Variants in PGR observed in about 807,000 individuals in gnomAD.
PGR encodes nuclear receptor subfamily 3 group C member 3.
In PGR, 25 loss-of-function variants were observed where a neutral mutation model predicts 76.1. The ratio of observed to expected loss-of-function variants is 0.33; its 90% CI spans 0.24 to 0.46. The LOEUF (loss-of-function observed/expected upper bound fraction) is 0.46, where lower values mean the gene tolerates loss of function less well. Ranked by LOEUF, PGR falls within the 20% of genes least tolerant of loss-of-function variation. The probability of loss-of-function intolerance (pLI) is 1.00; values close to 1 mark genes in which losing one functional copy is unlikely to be tolerated. For synonymous variants in PGR, 579 were observed against 535.0 expected (o/e 1.08, Z -1.14); for missense variants, 1,172 against 1,225.3 (o/e 0.96, Z 0.65).
chr11:101,126,012 A>G lies in PGR; in HGVS notation c.1784T>C (p.Met595Thr). 1.2e-6 allele frequency: 2 copies of G among 1,613,950 alleles called. No homozygotes were observed. The highest frequency in any genetic ancestry group is 1.7e-6 in the Non-Finnish European group (2 of 1,179,824). The change falls in exon 2 of 8, where the codon ATG (methionine) becomes ACG (threonine). Residue 595 changes from methionine (M) to threonine (T), a missense_variant. By Grantham distance (81) the Met-to-Thr change is moderately conservative. This residue lies in a region of PGR where 40 missense variants were observed against 82.7 expected (regional missense o/e 0.48). Transcript: ENST00000325455. ...ATCAGGGGAAAGGAGCCTACCTTCC[A>G]TTGCCCTCTTAAAGAAGACCTTACA... The part of the protein sequence containing the change: ...GSCKVFFKRA[M>T]EGQHNYLCAG...
intron 3 of PGR, among the ~76,000 whole-genome samples, chr11:101,076,546 AAAGAT>A (rs540701265): frequency 3.3e-5 from 5 of 152,224 alleles, no homozygotes; most frequent in African/African-American, 9.6e-5. Context: ...CATGCATTGA[AAAGAT>A]AAGATGAAGA....
intron 3 of PGR, among the ~76,000 whole-genome samples, chr11:101,087,245 T>C (rs1318136116): frequency 1.3e-5 from 2 of 152,014 alleles, no homozygotes; most frequent in Non-Finnish European, 2.9e-5. Flanking sequence ...CATAGACCAA[T>C]GGAACAGAAT....
rs59106149 is a variant in PGR at position 101,076,919 on chromosome 11, A to ATTTT, written c.1907-14171_1907-14168dup. Among the ~76,000 whole-genome samples, 108 of 65,148 alleles carry ATTTT rather than the reference A, an allele frequency of 1.7e-3. 3 individuals are homozygous for ATTTT. Among genetic ancestry groups the ATTTT allele is most frequent in the Middle Eastern group, 0.013 (1 of 80 alleles). The allele number at this position is 65,148 out of a possible 152,430, so 42.7% of individuals were successfully genotyped here. A position where few individuals can be genotyped will look rare whatever the true frequency, so the allele number is the denominator to read the frequency against. ...CTATTTTTTTAAAACTACAAATGGA[A>ATTTT]TTTTTTTTTTTTTTTTTTTTTTTTT... On this transcript the variant is annotated intron_variant, in intron 3 of 7. Transcript: ENST00000325455.
intron 2 of PGR, among the ~76,000 whole-genome samples, chr11:101,108,671 A>C (rs1862252542): frequency 6.6e-6 from 1 of 152,164 alleles, no homozygotes; most frequent in Non-Finnish European, 1.5e-5. Context: ...CAGCTCCATT[A>C]CTAACTGGCT....
At chr11:101,064,820 C>T (rs182016572) in intron 3 of PGR, among the ~76,000 whole-genome samples, 1 of 152,292 alleles carries the variant, frequency 6.6e-6, no homozygotes, top group African/African-American at 2.4e-5. Context: ...TGACAGACCA[C>T]ATATACAACA....
chr11:101,127,922 G>A lies in PGR; in HGVS notation c.1149C>T (p.Pro383=), dbSNP rs760317015. The stretch of plus-strand genomic sequence containing the variant: ...CCTCCTCCTCCTTTATCTTTAGAGC[G>A]GGCGGCTGGAAGTCGCTATAGAGAG... ...AYPLYSDFQP[P]ALKIKEEEEG... The change falls in exon 1 of 8, where the codon CCC becomes CCT. Residue 383 remains proline (P), a synonymous_variant. Transcript: ENST00000325455. 2.9e-5 allele frequency: 47 copies of A among 1,611,080 alleles called. 1 individual carries two copies. In the South Asian group the frequency reaches 4.9e-4, roughly 17 times the overall value.
intron 2 of PGR, among the ~76,000 whole-genome samples, chr11:101,100,659 TAA>T (rs1565358669): frequency 1.3e-5 from 2 of 151,042 alleles, no homozygotes; most frequent in African/African-American, 4.9e-5. Flanking sequence ...AAACAACTAG[TAA>T]TTATTTTGAT....
At position 101,105,503 on chromosome 11, in the gene PGR, T is replaced by G. The variant is rs565890435; in HGVS notation, c.1790-13627A>C. ...TATTTGGTAGCATATTCCTTTTTTT[T>G]TTTTTTTTTTAGAAATGAAGTTTTA... On this transcript the variant is annotated intron_variant, in intron 2 of 7. Coordinates refer to ENST00000325455, the MANE Select transcript of PGR (RefSeq NM_000926.4). 3.3e-5 allele frequency among the ~76,000 whole-genome samples: 5 copies of G among 151,614 alleles called. No homozygotes were observed. The East Asian group carries it at 9.7e-4, about 29-fold the overall frequency.
At chr11:101,067,761 A>G (rs1401246150) in intron 3 of PGR, among the ~76,000 whole-genome samples, 2 of 152,212 alleles carry the variant, frequency 1.3e-5, no homozygotes, top group Admixed American at 6.5e-5. Flanking sequence ...ATGAAATCAT[A>G]CAGTGTAGGA....
In PGR at chr11:101,035,406, G is replaced by C. The variant is rs1859476255; in HGVS notation, c.*3710C>G. 4.3e-6 allele frequency: 1 copy of C among 231,102 alleles called. No homozygotes were observed. The highest frequency in any genetic ancestry group is 1.8e-4 in the South Asian group (1 of 5,504). 14.3% of individuals were successfully genotyped at this position (231,102 alleles called of 1,614,324 possible). ...CACAGCAAAAACTAAAAATGTAATAGCCATCCTTCCAAAGCAATAAAAGAC... is the reference window on the plus strand; with the variant it reads ...CACAGCAAAAACTAAAAATGTAATACCCATCCTTCCAAAGCAATAAAAGAC... On this transcript the variant is annotated 3_prime_UTR_variant, in exon 8 of 8. Coordinates refer to ENST00000325455, the MANE Select transcript of PGR (RefSeq NM_000926.4).
At position 101,063,077 on chromosome 11, in the gene PGR, C is replaced by CA. The variant is rs1316397598; in HGVS notation, c.1907-326dup. 4 of 247,762 alleles carry CA rather than the reference C, an allele frequency of 1.6e-5. No homozygotes were observed. The East Asian group carries it at 4.2e-4, about 26-fold the overall frequency. 15.3% of individuals were successfully genotyped at this position (247,762 alleles called of 1,614,324 possible). A position where few individuals can be genotyped will look rare whatever the true frequency, so the allele number is the denominator to read the frequency against. On this transcript the variant is annotated intron_variant, in intron 3 of 7. Coordinates refer to ENST00000325455, the MANE Select transcript of PGR (RefSeq NM_000926.4). ...TTAGGAGAAGATATGAATAAAAAGACAAAGAGTTTTAGTAGCGACTACGCT... is the reference window on the plus strand; with the variant it reads ...TTAGGAGAAGATATGAATAAAAAGACAAAAGAGTTTTAGTAGCGACTACGCT...
Position 101,127,422 on chromosome 11 carries a change from C to G in PGR, c.1637+12G>C, listed in dbSNP as rs1862880238. Reference sequence around the variant, plus strand: ...CCGGACGCGCTGGGCGTGCCCCGTCCCGGGCCCTCACCTCAGGTAGTTGAG... The same window carrying G: ...CCGGACGCGCTGGGCGTGCCCCGTCGCGGGCCCTCACCTCAGGTAGTTGAG... On this transcript the variant is annotated intron_variant, in intron 1 of 7. Transcript: ENST00000325455. 6.5e-7 allele frequency: 1 copy of G among 1,532,552 alleles called. No individual in the cohort carries two copies. Among genetic ancestry groups the G allele is most frequent in the South Asian group, 1.2e-5 (1 of 82,906 alleles). 94.9% of individuals were successfully genotyped at this position (1,532,552 alleles called of 1,614,324 possible). A position where few individuals can be genotyped will look rare whatever the true frequency, so the allele number is the denominator to read the frequency against.
chr11:101,098,367 AAAG>A (rs1861900291), intron 2 of PGR, among the ~76,000 whole-genome samples: 1 of 152,150 alleles, frequency 6.6e-6, no homozygotes, highest in Non-Finnish European at 1.5e-5. Context: ...GCATTTTTGA[AAAG>A]AAGGGGAAAA....
At chr11:101,108,357 G>A (rs1373340996) in intron 2 of PGR, among the ~76,000 whole-genome samples, 1 of 151,698 alleles carries the variant, frequency 6.6e-6, no homozygotes, top group Non-Finnish European at 1.5e-5. Context: ...CTGCAACAAA[G>A]CAAAGCCTTG....
At chr11:101,063,843 T>C (rs913720094) in intron 3 of PGR, 3 of 152,166 alleles carry the variant, frequency 2.0e-5, no homozygotes, top group African/African-American at 7.2e-5. Flanking sequence ...GTTGCAATGG[T>C]TGCTTTTGGA....
chr11:101,118,363 G>A (rs764165881), intron 2 of PGR, among the ~76,000 whole-genome samples: 12 of 152,018 alleles, frequency 7.9e-5, no homozygotes, highest in Admixed American at 5.2e-4. Context: ...TTTATATTTC[G>A]TACAAATGCT....
At position 101,037,387 on chromosome 11, in the gene PGR, T is replaced by C. The variant is rs1859546803; in HGVS notation, c.*1729A>G. 1 of 217,602 alleles carries C rather than the reference T, an allele frequency of 4.6e-6. No homozygotes were observed. Among genetic ancestry groups the C allele is most frequent in the South Asian group, 1.8e-4 (1 of 5,408 alleles). The allele number at this position is 217,602 out of a possible 1,614,324, so 13.5% of individuals were successfully genotyped here. On this transcript the variant is annotated 3_prime_UTR_variant, in exon 8 of 8. Coordinates refer to ENST00000325455, the MANE Select transcript of PGR (RefSeq NM_000926.4). ...CAGCTCCAAATTCTCATAAGGCTTA[T>C]TAGCACATTTTTCTTGTGCTAATAC... is the stretch of plus-strand genomic sequence containing the variant.
intron 2 of PGR, among the ~76,000 whole-genome samples, chr11:101,105,848 C>A (rs1200343814): frequency 1.3e-5 from 2 of 152,056 alleles, no homozygotes; most frequent in Non-Finnish European, 2.9e-5. Flanking sequence ...CTGCAGTAAC[C>A]AAAACAGCAT....
chr11:101,093,281 G>A (rs1220957897), intron 2 of PGR, among the ~76,000 whole-genome samples: 3 of 151,634 alleles, frequency 2.0e-5, no homozygotes, highest in Admixed American at 6.6e-5. Context: ...TTAGCAGAGT[G>A]TACTGCATAC....
Sources: allele counts gnomAD v4.1 joint callset (sites outside exome capture counted in the v4.1 genomes callset), GRCh38; gene constraint gnomAD v4.1.1; regional missense constraint gnomAD v4.1.1; transcripts MANE v1.5; gene names NCBI Gene and HGNC (gene_info 2026-07-23, HGNC 2026-07-21).